Variants in SSH3 observed in about 807,000 individuals in gnomAD.
The protein encoded by SSH3 is protein phosphatase Slingshot homolog 3.
Under a neutral mutation model 75.0 loss-of-function variants are expected in SSH3, and 67 were observed. The ratio of observed to expected loss-of-function variants is 0.89; its 90% CI spans 0.73 to 1.10. The LOEUF is 1.10. Among genes scored for constraint, SSH3 ranks in the 50% least tolerant of loss-of-function variants. The probability of loss-of-function intolerance (pLI) is 0.00; values close to 1 mark genes in which losing one functional copy is unlikely to be tolerated. For synonymous variants in SSH3, 318 were observed against 349.2 expected (o/e 0.91, Z 1.00); for missense variants, 824 against 872.7 (o/e 0.94, Z 0.70).
In SSH3 at chr11:67,308,739, C is replaced by T. The variant is rs1476127631; in HGVS notation, c.1061+281C>T. 1.3e-5 allele frequency among the ~76,000 whole-genome samples: 2 copies of T among 151,860 alleles called. No individual in the cohort carries two copies. Among genetic ancestry groups the T allele is most frequent in the African/African-American group, 2.4e-5 (1 of 41,324 alleles). ...CCAAGACGAGAAGCAGCAGCGCATA[C>T]TGCTGTAACTGCCTTGGACAAGCAG... On this transcript the variant is annotated intron_variant, in intron 10 of 13. Coordinates refer to ENST00000308127, the MANE Select transcript of SSH3 (RefSeq NM_017857.4). This position sits in a 1 kb window ranked among gnomAD's most constrained non-coding sequence, Gnocchi z 4.9.
Position 67,311,587 on chromosome 11 carries a change from C to T in SSH3, c.1684-4C>T, listed in dbSNP as rs1475229510. On this transcript the variant is annotated splice_polypyrimidine_tract_variant and splice_region_variant and intron_variant, in intron 13 of 13. Coordinates refer to ENST00000308127, the MANE Select transcript of SSH3 (RefSeq NM_017857.4). Reference sequence around the variant, plus strand: ...ATGGCTTCCGTATCCTCACACCTGTCCAGGTCTTCTCTTCCCACGAGTCTT... The same window carrying T: ...ATGGCTTCCGTATCCTCACACCTGTTCAGGTCTTCTCTTCCCACGAGTCTT... 1 of 1,613,962 alleles carries T rather than the reference C, an allele frequency of 6.2e-7. No individual in the cohort carries two copies. Among genetic ancestry groups the T allele is most frequent in the East Asian group, 2.2e-5 (1 of 44,886 alleles).
chr11:67,307,285 G>A lies in SSH3; in HGVS notation c.537-86G>A. On this transcript the variant is annotated intron_variant, in intron 5 of 13. Coordinates refer to ENST00000308127, the MANE Select transcript of SSH3 (RefSeq NM_017857.4). The surrounding 1 kb of genome is among the most constrained non-coding windows in gnomAD (Gnocchi z 4.2). Reference sequence around the variant, plus strand: ...CCTGAGCAAGGCACCTGACTCCTGGGTCTCGGCTTCCCGTATCCAGCAAAA... The same window carrying A: ...CCTGAGCAAGGCACCTGACTCCTGGATCTCGGCTTCCCGTATCCAGCAAAA... The A allele has an allele frequency of 6.3e-7, 1 of 1,583,050 alleles. No individual in the cohort carries two copies.
rs776220852 is a variant in SSH3 at position 67,307,111 on chromosome 11, C to G, written c.534C>G (p.Asp178Glu). Residue 178 changes from aspartate to glutamate, a missense_variant and splice_region_variant, in exon 5 of 14, where the codon GAC becomes GAG. Asp to Glu is a conservative substitution (Grantham distance 45). Coordinates refer to ENST00000308127, the MANE Select transcript of SSH3 (RefSeq NM_017857.4). The surrounding 1 kb of genome is among the most constrained non-coding windows in gnomAD (Gnocchi z 4.2). Reference sequence around the variant, plus strand: ...ACACCCAGGTGTACTTAGATGGAGACGGGTAAGCAATGGCAACTGGAGGTG... The same window carrying G: ...ACACCCAGGTGTACTTAGATGGAGAGGGGTAAGCAATGGCAACTGGAGGTG... ...WSDTQVYLDG[D>E]GGFSVTSGGQ... The G allele has an allele frequency of 1.2e-6, 2 of 1,613,504 alleles. No individual in the cohort carries two copies. The highest frequency in any genetic ancestry group is 1.7e-6 in the Non-Finnish European group (2 of 1,179,930).
Position 67,304,106 on chromosome 11 carries a change from C to T in SSH3, c.67-12C>T. On this transcript the variant is annotated splice_polypyrimidine_tract_variant and intron_variant, in intron 1 of 13. Transcript: ENST00000308127. ...CCGCCCTCACCCTGCCCTGGGGCTGCTCTCTCCGCAGGACCAGGCGGTCCA... is the reference window on the plus strand; with the variant it reads ...CCGCCCTCACCCTGCCCTGGGGCTGTTCTCTCCGCAGGACCAGGCGGTCCA... 6.3e-7 allele frequency: 1 copy of T among 1,587,548 alleles called. No individual in the cohort carries two copies. The highest frequency in any genetic ancestry group is 2.3e-5 in the East Asian group (1 of 44,006).
At chr11:67,311,458 A>T in intron 13 of SSH3, 133 bp from the exon 14 acceptor site, 1 of 1,206,820 alleles carries the variant, frequency 8.3e-7, no homozygotes, top group Non-Finnish European at 1.2e-6. Flanking sequence ...CGTGCGTGCC[A>T]CAAACATTCC....
rs1861329672 is a variant in SSH3 at position 67,308,794 on chromosome 11, G to A, written c.1061+336G>A. On this transcript the variant is annotated intron_variant, in intron 10 of 13. Coordinates refer to ENST00000308127, the MANE Select transcript of SSH3 (RefSeq NM_017857.4). The surrounding 1 kb of genome is among the most constrained non-coding windows in gnomAD (Gnocchi z 4.9). ...AGGCTCCTCTTGAATGCGCCTGTGG[G>A]CCCAGCTACTTGGGAGGCTGAGGCA... 3.3e-5 allele frequency among the ~76,000 whole-genome samples: 5 copies of A among 152,094 alleles called. No individual in the cohort carries two copies. In the South Asian group the frequency reaches 1.0e-3, roughly 32 times the overall value.
At chr11:67,311,510 C>G in intron 13 of SSH3, 81 bp from the exon 14 acceptor site, 1 of 1,559,734 alleles carries the variant, frequency 6.4e-7, no homozygotes. Flanking sequence ...CACCCCTGCC[C>G]CAGATCTTCC....
intron 2 of SSH3, 120 bp from the exon 3 acceptor site, chr11:67,304,653 G>C (rs944976225): frequency 2.0e-6 from 2 of 1,021,626 alleles, no homozygotes; most frequent in South Asian, 1.5e-5. Flanking sequence ...TATCGACCGC[G>C]TGGGGGCCCA....
chr11:67,305,012 G>A lies in SSH3; in HGVS notation c.339+5G>A, dbSNP rs1223016487. 6.2e-7 allele frequency: 1 copy of A among 1,604,332 alleles called. No individual in the cohort carries two copies. Among genetic ancestry groups the A allele is most frequent in the Non-Finnish European group, 8.5e-7 (1 of 1,176,672 alleles). On this transcript the variant is annotated splice_donor_5th_base_variant and intron_variant, in intron 3 of 13. Coordinates refer to ENST00000308127, the MANE Select transcript of SSH3 (RefSeq NM_017857.4). ...CCGCAGGATGACATCCGCCTGGTGAGGGCCCATGTGGAGCTCCGGGGGGTG... is the reference window on the plus strand; with the variant it reads ...CCGCAGGATGACATCCGCCTGGTGAAGGCCCATGTGGAGCTCCGGGGGGTG...
In SSH3 at chr11:67,304,874, C is replaced by T. The variant is rs1363625313; in HGVS notation, c.206C>T (p.Pro69Leu). 39 of 1,613,670 alleles carry T rather than the reference C, an allele frequency of 2.4e-5. No individual in the cohort carries two copies. The highest frequency in any genetic ancestry group is 3.3e-4 in the Middle Eastern group (2 of 6,070). Residue 69 changes from proline to leucine, a missense_variant, in exon 3 of 14, where the codon CCG becomes CTG. Physicochemically the swap from Pro to Leu is moderately conservative, Grantham distance 98 (BLOSUM62 -3). Coordinates refer to ENST00000308127, the MANE Select transcript of SSH3 (RefSeq NM_017857.4). ...AGTTCTGAGCCAACAGAGAAGGCCC[C>T]GAGTGAGGAGGAGCTCCACGGGGAC... ...EASSEPTEKA[P>L]SEEELHGDQT...
rs764862127 is a variant in SSH3, at chr11:67,303,694, G to C, written c.66+3G>C. On this transcript the variant is annotated splice_donor_region_variant and intron_variant, in intron 1 of 13. Coordinates refer to ENST00000308127, the MANE Select transcript of SSH3 (RefSeq NM_017857.4). ...CCTCCACGCCCGTGGGGCCCTGGGT[G>C]AGTGTGGTCCGGCCGTGGTGCCGCC... 13 of 1,498,746 alleles carry C rather than the reference G, an allele frequency of 8.7e-6. No individual in the cohort carries two copies. Among genetic ancestry groups the C allele is most frequent in the Middle Eastern group, 2.0e-4 (1 of 4,904 alleles). 92.8% of individuals were successfully genotyped at this position (1,498,746 alleles called of 1,614,324 possible).
chr11:67,304,965 C>T lies in SSH3; in HGVS notation c.297C>T (p.His99=), dbSNP rs370738715. The T allele has an allele frequency of 9.9e-6, 16 of 1,613,116 alleles. No individual in the cohort carries two copies. The highest frequency in any genetic ancestry group is 8.0e-5 in the African/African-American group (6 of 74,908). Reference sequence around the variant, plus strand: ...AGGAGGAGCAGAGGCAGCACCTGCACCTCATGGTACAGCTGCTGAGGCCGC... The same window carrying T: ...AGGAGGAGCAGAGGCAGCACCTGCATCTCATGGTACAGCTGCTGAGGCCGC... The part of the protein sequence containing the change: ...QKQEEQRQHL[H]LMVQLLRPQD... The change falls in exon 3 of 14, where the codon CAC becomes CAT. Residue 99 remains histidine (H), a synonymous_variant. Transcript: ENST00000308127.
Position 67,308,503 on chromosome 11 carries a change from TC to T in SSH3, c.1061+47del. ...GGGCCACCCACCCCATCTTCCCTTC[TC>T]CTGGCCTCCCCGCATTGGGTGGTAG... On this transcript the variant is annotated intron_variant, in intron 10 of 13. Transcript: ENST00000308127. The surrounding 1 kb of genome is among the most constrained non-coding windows in gnomAD (Gnocchi z 4.9). 1 of 1,550,822 alleles carries T rather than the reference TC, an allele frequency of 6.4e-7. No individual in the cohort carries two copies. Among genetic ancestry groups the T allele is most frequent in the Non-Finnish European group, 8.7e-7 (1 of 1,147,936 alleles).
rs1423624190 is a variant in SSH3, at chr11:67,307,466, C to T, written c.602+30C>T. On this transcript the variant is annotated intron_variant, in intron 6 of 13. Coordinates refer to ENST00000308127, the MANE Select transcript of SSH3 (RefSeq NM_017857.4). This position sits in a 1 kb window ranked among gnomAD's most constrained non-coding sequence, Gnocchi z 4.2. ...GGACAGAGACTGCCTGGACTCAGGC[C>T]AGCCTCTCCTTCGAAGGAGGCTGCA... The T allele has an allele frequency of 3.7e-6, 6 of 1,613,694 alleles. No homozygotes were observed. The highest frequency in any genetic ancestry group is 3.4e-6 in the Non-Finnish European group (4 of 1,179,980).
chr11:67,311,971 A>C lies in SSH3; in HGVS notation c.*84A>C. ...AACACCCTCACGTCTGTTGCCGCAC[A>C]CATTCCTCTCAGCTCCGCCCCATAC... On this transcript the variant is annotated 3_prime_UTR_variant, in exon 14 of 14. Coordinates refer to ENST00000308127, the MANE Select transcript of SSH3 (RefSeq NM_017857.4). 1 of 1,560,072 alleles carries C rather than the reference A, an allele frequency of 6.4e-7. No individual in the cohort carries two copies. The highest frequency in any genetic ancestry group is 8.6e-7 in the Non-Finnish European group (1 of 1,156,892).
chr11:67,309,943 A>T lies in SSH3; in HGVS notation c.1384A>T (p.Ile462Phe). Residue 462 changes from isoleucine to phenylalanine, a missense_variant, in exon 12 of 14, where the codon ATC (isoleucine) becomes TTC (phenylalanine). Physicochemically the swap from Ile to Phe is conservative, Grantham distance 21. Coordinates refer to ENST00000308127, the MANE Select transcript of SSH3 (RefSeq NM_017857.4). ...CCCTGGCTTCCTGCGCCAGCTGCAG[A>T]TCTACCAGGGCATCCTGACGGCCAG... ...PNPGFLRQLQ[I>F]YQGILTASRQ... 2 of 1,610,540 alleles carry T rather than the reference A, an allele frequency of 1.2e-6. No individual in the cohort carries two copies. Among genetic ancestry groups the T allele is most frequent in the Non-Finnish European group, 1.7e-6 (2 of 1,179,984 alleles).
At position 67,307,821 on chromosome 11, in the gene SSH3, C is replaced by T; in HGVS notation, c.792-25C>T. Reference sequence around the variant, plus strand: ...GCATGGTGGAGAGGGGAAAGGGCCCCTTGACTGAGGGGCTCTGCTCCCAGG... The same window carrying T: ...GCATGGTGGAGAGGGGAAAGGGCCCTTTGACTGAGGGGCTCTGCTCCCAGG... On this transcript the variant is annotated intron_variant, in intron 7 of 13. Transcript: ENST00000308127. The surrounding 1 kb of genome is among the most constrained non-coding windows in gnomAD (Gnocchi z 4.2). 6.2e-7 allele frequency: 1 copy of T among 1,614,162 alleles called. No homozygotes were observed. The highest frequency in any genetic ancestry group is 8.5e-7 in the Non-Finnish European group (1 of 1,180,018).
intron 3 of SSH3, among the ~76,000 whole-genome samples, chr11:67,306,117 G>A (rs892462092): frequency 1.3e-5 from 2 of 151,320 alleles, no homozygotes; most frequent in African/African-American, 2.4e-5. Flanking sequence ...GTGAAACCCC[G>A]TGTCTACTAA....
Position 67,311,712 on chromosome 11 carries a change from C to T in SSH3, c.1805C>T (p.Ser602Leu). The T allele has an allele frequency of 6.2e-7, 1 of 1,614,066 alleles. No homozygotes were observed. Among genetic ancestry groups the T allele is most frequent in the Non-Finnish European group, 8.5e-7 (1 of 1,179,974 alleles). Residue 602 changes from serine (S) to leucine (L), a missense_variant, in exon 14 of 14, where the codon TCA becomes TTA. By Grantham distance (145) the Ser-to-Leu change is moderately radical. Transcript: ENST00000308127. ...CAGCCTGCCCTGAAGTCCCGCCAGTCAGTGGTTACCCTCCAGGGCAGTGCC... is the reference window on the plus strand; with the variant it reads ...CAGCCTGCCCTGAAGTCCCGCCAGTTAGTGGTTACCCTCCAGGGCAGTGCC... ...GPQPALKSRQ[S>L]VVTLQGSAVV...
Sources: allele counts gnomAD v4.1 joint callset (sites outside exome capture counted in the v4.1 genomes callset), GRCh38; gene constraint gnomAD v4.1.1; non-coding constraint Gnocchi (gnomAD v3.1); transcripts MANE v1.5; gene names NCBI Gene and HGNC (gene_info 2026-07-23, HGNC 2026-07-21).